NHS: variants seen among roughly 807,000 people sequenced by gnomAD.
NHS encodes NHS actin remodeling regulator.
NHS carries 5 observed loss-of-function variants against 72.5 expected under a neutral mutation model. That is an observed-to-expected ratio of 0.07 (90% CI 0.04 to 0.14). The LOEUF (loss-of-function observed/expected upper bound fraction) is 0.14. NHS is among the 10% of genes least tolerant of loss of function. The probability of loss-of-function intolerance (pLI) is 1.00; values close to 1 mark genes in which losing one functional copy is unlikely to be tolerated. For missense variants in NHS, 1,072 were observed against 1,355.7 expected (o/e 0.79, Z 3.29); for synonymous variants, 464 against 547.7 (o/e 0.85, Z 2.13).
intron 3 of NHS, among the ~76,000 whole-genome samples, chrX:17,703,553 C>G (rs767753304): frequency 8.9e-6 from 1 of 111,907 alleles, no homozygotes; most frequent in African/African-American, 3.2e-5. Flanking sequence ...GCCACAAATG[C>G]GAGACTCCAT....
At chrX:17,488,254 C>T (rs1199360403) in intron 1 of NHS, among the ~76,000 whole-genome samples, 1 of 111,971 alleles carries the variant, frequency 8.9e-6, no homozygotes, top group Non-Finnish European at 1.9e-5. Flanking sequence ...TGAATTCTGT[C>T]ATACTAGAGT....
intron 1 of NHS, among the ~76,000 whole-genome samples, chrX:17,392,975 T>C (rs2064452623): frequency 8.9e-6 from 1 of 112,340 alleles, no homozygotes; most frequent in Non-Finnish European, 1.9e-5. Flanking sequence ...TAGATTTCTA[T>C]ATGTAAATTA....
intron 1 of NHS, among the ~76,000 whole-genome samples, chrX:17,451,427 A>G (rs1203295205): frequency 8.9e-6 from 1 of 112,481 alleles, no homozygotes; most frequent in Non-Finnish European, 1.9e-5. Context: ...TATGAGGGAA[A>G]AAATCCAAAC....
intron 1 of NHS, among the ~76,000 whole-genome samples, chrX:17,503,562 A>T (rs183235633): frequency 2.7e-5 from 3 of 111,733 alleles, no homozygotes; most frequent in East Asian, 5.7e-4. Context: ...GTCCTGTAAA[A>T]TGCTGGGGTT....
At chrX:17,511,362 C>T (rs943230922) in intron 1 of NHS, among the ~76,000 whole-genome samples, 2 of 111,696 alleles carry the variant, frequency 1.8e-5, no homozygotes, top group African/African-American at 6.5e-5. Flanking sequence ...CTCTTCTGCC[C>T]CTGTCACATA....
At chrX:17,410,172 A>G (rs1358270223) in intron 1 of NHS, among the ~76,000 whole-genome samples, 2 of 110,753 alleles carry the variant, frequency 1.8e-5, no homozygotes, top group Non-Finnish European at 3.8e-5. Context: ...GAGAAATGAA[A>G]ACCCCCAAAC....
At chrX:17,377,797 T>C (rs751517599) in intron 1 of NHS, among the ~76,000 whole-genome samples, 25 of 113,447 alleles carry the variant, frequency 2.2e-4, no homozygotes, top group African/African-American at 7.7e-4. Context: ...GTTGGGTTAA[T>C]GACTGGTTGT....
At chrX:17,697,272 T>C (rs2066236774) in intron 3 of NHS, among the ~76,000 whole-genome samples, 1 of 110,776 alleles carries the variant, frequency 9.0e-6, no homozygotes, top group African/African-American at 3.3e-5. Flanking sequence ...GAGTTGTATG[T>C]GTCCTTCAAC....
At chrX:17,609,092 G>T (rs768632627) in intron 1 of NHS, among the ~76,000 whole-genome samples, 1 of 111,630 alleles carries the variant, frequency 9.0e-6, no homozygotes, top group East Asian at 2.8e-4. Flanking sequence ...TGGATATCGT[G>T]GCTGTGCCAG....
intron 3 of NHS, among the ~76,000 whole-genome samples, chrX:17,710,420 A>C (rs1175596764): frequency 1.8e-5 from 2 of 112,634 alleles, no homozygotes; most frequent in East Asian, 5.5e-4. Context: ...ACTGTTCAAA[A>C]TATAGGCAGA....
At chrX:17,693,167 G>GT (rs1370817894) in intron 3 of NHS, among the ~76,000 whole-genome samples, 1 of 112,481 alleles carries the variant, frequency 8.9e-6, no homozygotes, top group African/African-American at 3.2e-5. Context: ...GGATGTGGCT[G>GT]TAACTCAGCC....
At chrX:17,496,354 C>T (rs2065012417) in intron 1 of NHS, among the ~76,000 whole-genome samples, 1 of 111,590 alleles carries the variant, frequency 9.0e-6, no homozygotes, top group African/African-American at 3.3e-5. Flanking sequence ...ACACCTACCT[C>T]CTAGTTGCCT....
At chrX:17,579,164 C>T (rs759217161) in intron 1 of NHS, among the ~76,000 whole-genome samples, 3 of 111,973 alleles carry the variant, frequency 2.7e-5, no homozygotes, top group South Asian at 3.7e-4. Context: ...TCATTCTGGC[C>T]GGGAAGTCTT....
intron 1 of NHS, among the ~76,000 whole-genome samples, chrX:17,594,866 C>T (rs2065618377): frequency 8.9e-6 from 1 of 112,454 alleles, no homozygotes; most frequent in Non-Finnish European, 1.9e-5. Flanking sequence ...GTTGATCCCA[C>T]CTTGAAGTAG....
At position 17,531,786 on chromosome X, in the gene NHS, C is replaced by G. The variant is rs1419827467; in HGVS notation, c.565+155464C>G. Among the ~76,000 whole-genome samples the G allele has an allele frequency of 3.5e-5, 4 of 112,717 alleles. No homozygotes were observed. The East Asian group carries it at 1.1e-3, about 32-fold the overall frequency. On this transcript the variant is annotated intron_variant, in intron 1 of 8. Coordinates refer to ENST00000676302, the MANE Select transcript of NHS (RefSeq NM_001291867.2). ...GCTGAGGTGCTTTCTCCAGCCCCACCTCACCTGCTTAGTGCCTCAGCATCC... is the reference window on the plus strand; with the variant it reads ...GCTGAGGTGCTTTCTCCAGCCCCACGTCACCTGCTTAGTGCCTCAGCATCC...
intron 1 of NHS, among the ~76,000 whole-genome samples, chrX:17,382,929 C>T (rs749512373): frequency 7.0e-4 from 78 of 112,102 alleles, no homozygotes; most frequent in Non-Finnish European, 1.4e-3. Flanking sequence ...CAGGTTAATG[C>T]CTCAGAAGCA....
chrX:17,439,295 T>C (rs774091012), intron 1 of NHS, among the ~76,000 whole-genome samples: 1 of 111,273 alleles, frequency 9.0e-6, no homozygotes, highest in East Asian at 2.8e-4. Flanking sequence ...AAATATCATA[T>C]ATATATGAAA....
At chrX:17,400,769 C>T (rs1301674636) in intron 1 of NHS, among the ~76,000 whole-genome samples, 1 of 111,598 alleles carries the variant, frequency 9.0e-6, no homozygotes, top group African/African-American at 3.3e-5. Flanking sequence ...ATCTTGCGTT[C>T]GCGGATCAGA....
intron 1 of NHS, among the ~76,000 whole-genome samples, chrX:17,417,784 G>A (rs971158097): frequency 1.2e-4 from 13 of 112,255 alleles, no homozygotes; most frequent in African/African-American, 4.2e-4. Context: ...GTTACAGTGT[G>A]GTCAAGATAT....
Sources: allele counts gnomAD v4.1 joint callset (sites outside exome capture counted in the v4.1 genomes callset), GRCh38; gene constraint gnomAD v4.1.1; transcripts MANE v1.5; gene names NCBI Gene and HGNC (gene_info 2026-07-23, HGNC 2026-07-21).